CSNK1G1: variants seen among roughly 807,000 people sequenced by gnomAD.
CSNK1G1 encodes the protein casein kinase 1 gamma 1.
A neutral mutation model predicts 59.6 loss-of-function variants in CSNK1G1; 22 were observed. That is an observed-to-expected ratio of 0.37 (90% CI 0.26 to 0.53). The LOEUF (loss-of-function observed/expected upper bound fraction) is 0.53, where lower values mean the gene tolerates loss of function less well. CSNK1G1 is among the 20% of genes least tolerant of loss of function. CSNK1G1 has a pLI of 0.89. For synonymous variants in CSNK1G1, 179 were observed against 177.1 expected (o/e 1.01, Z -0.08); for missense variants, 384 against 519.5 (o/e 0.74, Z 2.54).
chr15:64,259,394 A>G (rs1322924552), intron 2 of CSNK1G1, among the ~76,000 whole-genome samples, 153 bp from the exon 3 acceptor site: 1 of 151,900 alleles, frequency 6.6e-6, no homozygotes, highest in Non-Finnish European at 1.5e-5. Context: ...TACAGAGATA[A>G]TGAGATCTAG....
At chr15:64,288,003 T>C (rs1205503839) in intron 2 of CSNK1G1, among the ~76,000 whole-genome samples, 4 of 152,090 alleles carry the variant, frequency 2.6e-5, no homozygotes, top group African/African-American at 9.7e-5. Flanking sequence ...AAATGGTAAA[T>C]GACTTAGCAA....
At chr15:64,348,475 A>C (rs1440220422) in intron 1 of CSNK1G1, 3 of 150,744 alleles carry the variant, frequency 2.0e-5, no homozygotes, top group African/African-American at 5.0e-5. Flanking sequence ...AAAAGTATTC[A>C]AAAAAAAATT....
chr15:64,302,614 G>T (rs1230758002), intron 1 of CSNK1G1, among the ~76,000 whole-genome samples: 4 of 151,918 alleles, frequency 2.6e-5, no homozygotes, highest in Admixed American at 2.0e-4. Context: ...CCACTATCCC[G>T]GTTATCCTTG....
intron 6 of CSNK1G1, among the ~76,000 whole-genome samples, chr15:64,209,201 T>C (rs1347122721): frequency 6.6e-6 from 1 of 152,150 alleles, no homozygotes; most frequent in African/African-American, 2.4e-5. Flanking sequence ...ATCTCAGACA[T>C]TTTATGTGTT....
intron 4 of CSNK1G1, among the ~76,000 whole-genome samples, chr15:64,238,518 A>AAAATATATATAT (rs1555396879): frequency 8.1e-5 from 4 of 49,244 alleles, no homozygotes; most frequent in African/African-American, 3.5e-4. Context: ...AAAAAAAAAA[A>AAAATATATATAT]ATATATATAT....
chr15:64,227,719 G>A (rs1355366484), intron 4 of CSNK1G1, among the ~76,000 whole-genome samples: 1 of 152,070 alleles, frequency 6.6e-6, no homozygotes, highest in Non-Finnish European at 1.5e-5. Context: ...CATCCTGTAA[G>A]GAAAAACAGG....
At chr15:64,260,939 AC>A (rs1892657329) in intron 2 of CSNK1G1, among the ~76,000 whole-genome samples, 1 of 152,192 alleles carries the variant, frequency 6.6e-6, no homozygotes, top group Admixed American at 6.5e-5. Context: ...AAGAAGACTA[AC>A]AGGTTGGTTT....
chr15:64,187,465 G>T (rs1168594566), intron 10 of CSNK1G1, among the ~76,000 whole-genome samples: 1 of 152,010 alleles, frequency 6.6e-6, no homozygotes, highest in Non-Finnish European at 1.5e-5. Context: ...CTCCCAAAGT[G>T]CTGTGATTAC....
At chr15:64,266,068 CTT>C (rs528601412) in intron 2 of CSNK1G1, among the ~76,000 whole-genome samples, 16 of 146,374 alleles carry the variant, frequency 1.1e-4, no homozygotes, top group African/African-American at 3.2e-4. Context: ...GACCTTGTCT[CTT>C]TTTTTTTTTT....
At chr15:64,250,737 C>A (rs970373332) in intron 4 of CSNK1G1, among the ~76,000 whole-genome samples, 2 of 151,388 alleles carry the variant, frequency 1.3e-5, no homozygotes, top group Non-Finnish European at 2.9e-5. Context: ...GGGAGTGAGA[C>A]CCTGTCTCCA....
chr15:64,270,184 TTCTC>T (rs1423159512), intron 2 of CSNK1G1, among the ~76,000 whole-genome samples: 1 of 152,236 alleles, frequency 6.6e-6, no homozygotes, highest in African/African-American at 2.4e-5. Flanking sequence ...TACTTGGATC[TTCTC>T]TCTTTTATTC....
chr15:64,228,816 C>A (rs2082498746), intron 4 of CSNK1G1, among the ~76,000 whole-genome samples: 1 of 151,882 alleles, frequency 6.6e-6, no homozygotes, highest in African/African-American at 2.4e-5. Context: ...AGAAGTTCAA[C>A]ACCAGCCTGG....
intron 7 of CSNK1G1, among the ~76,000 whole-genome samples, chr15:64,207,004 A>G (rs536016011): frequency 5.1e-4 from 78 of 152,292 alleles, no homozygotes; most frequent in African/African-American, 1.8e-3. Context: ...TCCCTTACAT[A>G]CTGGGAACAC....
chr15:64,276,738 G>A (rs1284357194), intron 2 of CSNK1G1, among the ~76,000 whole-genome samples: 1 of 152,104 alleles, frequency 6.6e-6, no homozygotes. Flanking sequence ...GAGGTCAGGA[G>A]ATCGAGACCA....
intron 1 of CSNK1G1, among the ~76,000 whole-genome samples, chr15:64,300,951 C>G (rs562485431): frequency 9.9e-5 from 15 of 152,222 alleles, no homozygotes; most frequent in African/African-American, 3.6e-4. Flanking sequence ...AACACACAAG[C>G]CTTTAATATA....
In CSNK1G1 at chr15:64,213,990, T is replaced by G; in HGVS notation, c.579A>C (p.Glu193Asp). 6.2e-7 allele frequency: 1 copy of G among 1,614,182 alleles called. No individual in the cohort carries two copies. Among genetic ancestry groups the G allele is most frequent in the South Asian group, 1.1e-5 (1 of 91,080 alleles). ...IHIIDFGLAK[E>D]YIDPETKKHI... ...GTTTTTTGGTTTCGGGGTCAATGTATTCCTTGGCCAGTCCAAAGTCTATAA... is the reference window on the plus strand; with the variant it reads ...GTTTTTTGGTTTCGGGGTCAATGTAGTCCTTGGCCAGTCCAAAGTCTATAA... Residue 193 changes from glutamate to aspartate, a missense_variant, in exon 6 of 12, where the codon GAA (glutamate) becomes GAC (aspartate). By Grantham distance (45) the Glu-to-Asp change is conservative. Around this residue, in one of 3 missense-constraint regions of CSNK1G1, gnomAD observed 325 missense variants for 440.9 expected, o/e 0.74. Coordinates refer to ENST00000303052, the MANE Select transcript of CSNK1G1 (RefSeq NM_022048.5).
chr15:64,329,032 G>C (rs970480132), intron 1 of CSNK1G1, among the ~76,000 whole-genome samples: 27 of 147,012 alleles, frequency 1.8e-4, no homozygotes, highest in Middle Eastern at 3.6e-3. Flanking sequence ...AGCAAGTCCT[G>C]AGTGACCTAC....
Position 64,176,788 on chromosome 15 carries a change from C to T in CSNK1G1, c.1214+3560G>A, listed in dbSNP as rs2140204255. ...TGATCAAAGCAGCTAGCAGTTAGCT[C>T]TTCCTCTAGAGAGGGAGAAAAGGTT... On this transcript the variant is annotated intron_variant, in intron 11 of 11. Transcript: ENST00000303052. This position sits in a 1 kb window ranked among gnomAD's most constrained non-coding sequence, Gnocchi z 5.2. Among the ~76,000 whole-genome samples the T allele has an allele frequency of 6.6e-6, 1 of 152,336 alleles. No homozygotes were observed. The highest frequency in any genetic ancestry group is 1.5e-5 in the Non-Finnish European group (1 of 68,034).
chr15:64,198,197 T>G (rs1163153977), intron 10 of CSNK1G1, among the ~76,000 whole-genome samples: 7 of 145,292 alleles, frequency 4.8e-5, no homozygotes, highest in Non-Finnish European at 1.1e-4. Flanking sequence ...ATATACTTTT[T>G]TTTTTTTTTT....
Sources: gnomAD v4.1 joint callset for allele counts (sites outside exome capture counted in the v4.1 genomes callset) on GRCh38, gnomAD v4.1.1 for gene constraint, gnomAD v4.1.1 regional missense constraint, Gnocchi (gnomAD v3.1) non-coding constraint, MANE v1.5 for transcripts, NCBI Gene and HGNC (gene_info 2026-07-23, HGNC 2026-07-21) for gene names.